AFG2A: variants seen among roughly 807,000 people sequenced by gnomAD.
The protein encoded by AFG2A is ATPase family gene 2 protein homolog A.
chr4:122,957,203 C>T, the AFG2A span, among the ~76,000 whole-genome samples: 1 of 152,296 alleles, frequency 6.6e-6, no homozygotes, highest in East Asian at 1.9e-4. Context: ...CAGGCCTCAT[C>T]GGCTATTTTC....
At chr4:122,934,737 TG>T in the AFG2A span, 1 of 1,553,762 alleles carries the variant, frequency 6.4e-7, no homozygotes, top group Non-Finnish European at 8.6e-7. Context: ...TCAAGAGTTA[TG>T]GTATGATGTC....
the AFG2A span, among the ~76,000 whole-genome samples, chr4:122,957,881 T>G: frequency 6.6e-6 from 1 of 152,186 alleles, no homozygotes; most frequent in Admixed American, 6.5e-5. Flanking sequence ...GAGGCAATAT[T>G]AATGACTTCT....
chr4:123,073,381 TA>T, the AFG2A span, among the ~76,000 whole-genome samples: 2 of 152,242 alleles, frequency 1.3e-5, no homozygotes, highest in South Asian at 4.1e-4. Context: ...TCATGAATTA[TA>T]ACTTGTTTTA....
chr4:123,178,462 C>T, the AFG2A span, among the ~76,000 whole-genome samples: 91,854 of 152,084 alleles, frequency 0.6, 28,857 homozygotes, highest in Non-Finnish European at 0.68. Context: ...TGAACAACAC[C>T]TCTAATTAAT....
the AFG2A span, among the ~76,000 whole-genome samples, chr4:123,078,588 A>G: frequency 1.3e-5 from 2 of 152,214 alleles, no homozygotes; most frequent in African/African-American, 2.4e-5. Context: ...GTCACATCAT[A>G]AGACCTAAGT....
the AFG2A span, among the ~76,000 whole-genome samples, chr4:123,010,348 C>T: frequency 2.0e-5 from 3 of 152,064 alleles, no homozygotes; most frequent in African/African-American, 2.4e-5. Flanking sequence ...TGTAGTATTC[C>T]GTATAATTTT....
the AFG2A span, among the ~76,000 whole-genome samples, chr4:123,022,781 A>C: frequency 1.3e-5 from 2 of 152,110 alleles, no homozygotes; most frequent in Admixed American, 6.5e-5. Context: ...ACTTGGAACC[A>C]ACCCAAATGT....
chr4:123,125,177 G>A, the AFG2A span, among the ~76,000 whole-genome samples: 136 of 152,278 alleles, frequency 8.9e-4, no homozygotes, highest in Middle Eastern at 3.4e-3. Context: ...ATGAGAAGTC[G>A]TGTCTAGATG....
At chr4:123,249,705 A>G in the AFG2A span, among the ~76,000 whole-genome samples, 5 of 152,190 alleles carry the variant, frequency 3.3e-5, no homozygotes, top group Admixed American at 2.0e-4. Context: ...TAAAATGAAT[A>G]TGATTCCTGC....
At chr4:123,178,408 A>G in the AFG2A span, among the ~76,000 whole-genome samples, 1 of 152,208 alleles carries the variant, frequency 6.6e-6, no homozygotes, top group Non-Finnish European at 1.5e-5. Context: ...GGAACTGTTT[A>G]AAAAATTTTG....
chr4:122,939,162 C>G, the AFG2A span, among the ~76,000 whole-genome samples: 5 of 146,482 alleles, frequency 3.4e-5, no homozygotes, highest in South Asian at 2.2e-4. Context: ...CTCGGCTCAC[C>G]GCAACCTCTG....
chr4:122,986,032 C>T, the AFG2A span, among the ~76,000 whole-genome samples: 1 of 151,812 alleles, frequency 6.6e-6, no homozygotes, highest in Non-Finnish European at 1.5e-5. Flanking sequence ...GTTTTTGACC[C>T]AGCGCTCATT....
chr4:122,972,826 T>C, the AFG2A span, among the ~76,000 whole-genome samples: 1 of 152,086 alleles, frequency 6.6e-6, no homozygotes, highest in Non-Finnish European at 1.5e-5. Context: ...GAGAGTTGCT[T>C]TGTGTCCTAG....
the AFG2A span, among the ~76,000 whole-genome samples, chr4:123,016,694 G>A: frequency 3.3e-5 from 5 of 151,978 alleles, no homozygotes. Flanking sequence ...GCCAGGCAGA[G>A]ACGCTCCTCA....
At chr4:123,202,514 A>G in the AFG2A span, among the ~76,000 whole-genome samples, 1 of 152,184 alleles carries the variant, frequency 6.6e-6, no homozygotes, top group Admixed American at 6.5e-5. Flanking sequence ...AATAGTACAT[A>G]GTACCCCATA....
At chr4:123,234,506 T>C in the AFG2A span, among the ~76,000 whole-genome samples, 1 of 152,152 alleles carries the variant, frequency 6.6e-6, no homozygotes, top group Admixed American at 6.6e-5. Context: ...TTCTAAGCTC[T>C]GCCACTTAAT....
the AFG2A span, among the ~76,000 whole-genome samples, chr4:122,974,623 T>A: frequency 6.6e-6 from 1 of 152,204 alleles, no homozygotes; most frequent in Non-Finnish European, 1.5e-5. Context: ...ATATTGCTTT[T>A]GTACCATTGT....
At chr4:123,062,740 A>G in the AFG2A span, among the ~76,000 whole-genome samples, 1 of 152,232 alleles carries the variant, frequency 6.6e-6, no homozygotes, top group Non-Finnish European at 1.5e-5. Flanking sequence ...CAAAAGTTAG[A>G]GTAAAAAGAC....
chr4:123,131,315 T>A, the AFG2A span, among the ~76,000 whole-genome samples: 1 of 152,162 alleles, frequency 6.6e-6, no homozygotes, highest in African/African-American at 2.4e-5. Context: ...AAAATTATTT[T>A]TTTATTGCGG....
Sources: gnomAD v4.1 joint callset for allele counts (sites outside exome capture counted in the v4.1 genomes callset) on GRCh38, gnomAD v4.1.1 for gene constraint, MANE v1.5 for transcripts, NCBI Gene and HGNC (gene_info 2026-07-23, HGNC 2026-07-21) for gene names.